The following PDE10A variants were observed in gnomAD, a reference collection of about 807,000 sequenced individuals.
The protein encoded by PDE10A is phosphodiesterase 10A.
In PDE10A, 39 loss-of-function variants were observed where a neutral mutation model predicts 97.7. That is an observed-to-expected ratio of 0.40 (90% CI 0.31 to 0.52). The LOEUF (loss-of-function observed/expected upper bound fraction) is 0.52. Ranked by LOEUF, PDE10A falls within the 20% of genes least tolerant of loss-of-function variation. PDE10A has a pLI of 0.56. For synonymous variants in PDE10A, 371 were observed against 376.8 expected (o/e 0.98, Z 0.18); for missense variants, 731 against 1,047.8 (o/e 0.70, Z 4.17).
At chr6:165,427,427 A>G (rs1789242873) in intron 10 of PDE10A, among the ~76,000 whole-genome samples, 2 of 152,148 alleles carry the variant, frequency 1.3e-5, no homozygotes, top group South Asian at 4.1e-4. Flanking sequence ...AAACCCATGG[A>G]GAAAGAACGT....
intron 1 of PDE10A, among the ~76,000 whole-genome samples, chr6:165,765,446 G>A (rs1583056836): frequency 1.3e-5 from 2 of 152,278 alleles, no homozygotes; most frequent in East Asian, 3.9e-4. Context: ...AGGCAGCTAA[G>A]GCCCGGCGAG....
At chr6:165,374,518 C>T (rs1273580380) in intron 18 of PDE10A, among the ~76,000 whole-genome samples, 1 of 151,652 alleles carries the variant, frequency 6.6e-6, no homozygotes, top group African/African-American at 2.4e-5. Flanking sequence ...AATAAATACA[C>T]AGAAGTAAGA....
intron 1 of PDE10A, among the ~76,000 whole-genome samples, chr6:165,777,285 G>C (rs1226207454): frequency 6.6e-6 from 1 of 152,206 alleles, no homozygotes; most frequent in Non-Finnish European, 1.5e-5. Context: ...ATTTGAGGTG[G>C]CTTTGAGGGA....
At chr6:165,346,640 T>C (rs1416946018) in intron 18 of PDE10A, among the ~76,000 whole-genome samples, 2 of 152,098 alleles carry the variant, frequency 1.3e-5, no homozygotes, top group East Asian at 3.9e-4. Flanking sequence ...GAAGGCAAAA[T>C]AGACCACACA....
At chr6:165,489,800 A>G (rs1006614769) in intron 2 of PDE10A, among the ~76,000 whole-genome samples, 1 of 152,216 alleles carries the variant, frequency 6.6e-6, no homozygotes, top group African/African-American at 2.4e-5. Flanking sequence ...GAATTGCAAA[A>G]TGCACTGGAA....
intron 18 of PDE10A, among the ~76,000 whole-genome samples, chr6:165,358,819 T>G (rs1378383136): frequency 6.6e-6 from 1 of 151,858 alleles, no homozygotes; most frequent in African/African-American, 2.4e-5. Flanking sequence ...TGTCTACTTT[T>G]AAAAGCTATA....
At chr6:165,689,317 T>C (rs1791207219) in intron 1 of PDE10A, among the ~76,000 whole-genome samples, 1 of 152,184 alleles carries the variant, frequency 6.6e-6, no homozygotes, top group South Asian at 2.1e-4. Context: ...TGTGAGTGCT[T>C]TTTATGAATC....
At chr6:165,523,500 C>CAAAA (rs1782253860) in intron 2 of PDE10A, among the ~76,000 whole-genome samples, 1 of 151,944 alleles carries the variant, frequency 6.6e-6, no homozygotes, top group Non-Finnish European at 1.5e-5. Context: ...ACAAAGTTGA[C>CAAAA]AAAAGTAAGC....
At chr6:165,811,971 G>A (rs1468635743) in intron 1 of PDE10A, among the ~76,000 whole-genome samples, 1 of 152,036 alleles carries the variant, frequency 6.6e-6, no homozygotes, top group Admixed American at 6.6e-5. Flanking sequence ...CTCCCACCTA[G>A]CCTCCCGAGT....
At chr6:165,845,380 AT>A (rs1477232679) in intron 1 of PDE10A, among the ~76,000 whole-genome samples, 1 of 152,222 alleles carries the variant, frequency 6.6e-6, no homozygotes, top group Non-Finnish European at 1.5e-5. Flanking sequence ...TTTTTCTACA[AT>A]TTACACCAAA....
intron 1 of PDE10A, among the ~76,000 whole-genome samples, chr6:165,634,645 C>T (rs1788789630): frequency 6.6e-6 from 1 of 152,114 alleles, no homozygotes; most frequent in Admixed American, 6.5e-5. Context: ...AAAACACACG[C>T]CACAAAAGTG....
chr6:165,947,999 C>T (rs920610012), intron 1 of PDE10A, among the ~76,000 whole-genome samples: 4 of 151,536 alleles, frequency 2.6e-5, no homozygotes, highest in African/African-American at 9.8e-5. Flanking sequence ...TAGGAGAAAA[C>T]CTTGTCAAAT....
In PDE10A at chr6:165,366,807, C is replaced by T. The variant is rs150222940; in HGVS notation, c.2783+12387G>A. Among the ~76,000 whole-genome samples, 959 of 152,240 alleles carry T rather than the reference C, an allele frequency of 6.3e-3. 9 individuals are homozygous for T. The highest frequency in any genetic ancestry group is 0.022 in the African/African-American group (917 of 41,544). On this transcript the variant is annotated intron_variant, in intron 18 of 21. Coordinates refer to ENST00000539869, the MANE Select transcript of PDE10A (RefSeq NM_001385079.1). ...CCAAAACAGAAATGGAACCACCCAA[C>T]TAAAGCTTAAAGGAACATACTCATA...
At chr6:165,963,337 T>C (rs705795) in intron 1 of PDE10A, among the ~76,000 whole-genome samples, 118,870 of 152,190 alleles carry the variant, frequency 0.78, 46,606 homozygotes, top group African/African-American at 0.84. Context: ...AAAACCTCTT[T>C]TCCAGCACCC....
At chr6:165,641,372 T>G (rs1464285439) in intron 1 of PDE10A, among the ~76,000 whole-genome samples, 1 of 152,150 alleles carries the variant, frequency 6.6e-6, no homozygotes. Context: ...CAATAATAAC[T>G]GATGCTCATA....
intron 10 of PDE10A, among the ~76,000 whole-genome samples, chr6:165,423,702 C>G (rs149382732): frequency 6.6e-6 from 1 of 151,936 alleles, no homozygotes; most frequent in African/African-American, 2.4e-5. Context: ...CCCGTTTCTA[C>G]TAAAATACAA....
intron 1 of PDE10A, among the ~76,000 whole-genome samples, chr6:165,767,948 GTTTT>G (rs1777907399): frequency 6.6e-6 from 1 of 152,064 alleles, no homozygotes. Flanking sequence ...TGTTGTCTGC[GTTTT>G]TTGTGTTTTT....
chr6:165,956,287 T>C (rs1365607646), intron 1 of PDE10A, among the ~76,000 whole-genome samples: 1 of 152,210 alleles, frequency 6.6e-6, no homozygotes, highest in African/African-American at 2.4e-5. Flanking sequence ...TTCTCCACTT[T>C]TTTGAAGAGT....
In PDE10A at chr6:165,331,136, T is replaced by C. The variant is rs891769470; in HGVS notation, c.*1889A>G. 14 of 152,214 alleles carry C rather than the reference T, an allele frequency of 9.2e-5. No individual in the cohort carries two copies. The highest frequency in any genetic ancestry group is 9.2e-4 in the Admixed American group (14 of 15,274). 9.4% of individuals were successfully genotyped at this position (152,214 alleles called of 1,614,324 possible). On this transcript the variant is annotated 3_prime_UTR_variant, in exon 22 of 22. Transcript: ENST00000539869. The stretch of plus-strand genomic sequence containing the variant: ...TGTGTGTATGTGTATGTATCATATA[T>C]ACACATATGTATACGTTTACATACA...
Sources: gnomAD v4.1 joint callset for allele counts (sites outside exome capture counted in the v4.1 genomes callset) on GRCh38, gnomAD v4.1.1 for gene constraint, MANE v1.5 for transcripts, NCBI Gene and HGNC (gene_info 2026-07-23, HGNC 2026-07-21) for gene names.